The following EOGT variants were observed in gnomAD, a reference collection of about 807,000 sequenced individuals.
EOGT encodes the protein EGF domain-specific O-linked N-acetylglucosamine transferase.
Under a neutral mutation model 70.5 loss-of-function variants are expected in EOGT, and 55 were observed. That is an observed-to-expected ratio of 0.78 (90% CI 0.63 to 0.98). EOGT has a LOEUF of 0.98. Among genes scored for constraint, EOGT ranks in the 50% least tolerant of loss-of-function variants. The pLI is 0.00. For synonymous variants in EOGT, 246 were observed against 217.1 expected (o/e 1.13, Z -1.17); for missense variants, 703 against 641.9 (o/e 1.10, Z -1.03).
Position 68,988,503 on chromosome 3 carries a change from T to C in EOGT, c.996+3A>G. On this transcript the variant is annotated splice_donor_region_variant and intron_variant, in intron 12 of 17. Transcript: ENST00000383701. ...GAATGCTAATGGTAGACAATGTGCT[T>C]ACCAGAGGAGTATTATAGAACAGCC... is the stretch of plus-strand genomic sequence containing the variant. 1 of 1,530,398 alleles carries C rather than the reference T, an allele frequency of 6.5e-7. No individual in the cohort carries two copies. The highest frequency in any genetic ancestry group is 8.8e-7 in the Non-Finnish European group (1 of 1,142,202). The allele number at this position is 1,530,398 out of a possible 1,614,324, so 94.8% of individuals were successfully genotyped here. A position where few individuals can be genotyped will look rare whatever the true frequency, so the allele number is the denominator to read the frequency against.
At chr3:69,011,241 AC>A (rs1315352417) in intron 3 of EOGT, among the ~76,000 whole-genome samples, 1 of 137,906 alleles carries the variant, frequency 7.3e-6, no homozygotes, top group African/African-American at 2.8e-5. Context: ...GAGTCTTAAT[AC>A]ACACTGGATG....
chr3:69,007,084 G>A lies in EOGT; in HGVS notation c.420+629C>T, dbSNP rs76145974. Among the ~76,000 whole-genome samples the A allele has an allele frequency of 8.4e-3, 1,283 of 152,288 alleles. 9 individuals are homozygous for A. The highest frequency in any genetic ancestry group is 0.044 in the Middle Eastern group (13 of 294). On this transcript the variant is annotated intron_variant, in intron 6 of 17. Transcript: ENST00000383701. ...TATCTGAGAATGAATTTGTAAAGAC[G>A]CAGTTTATCAATTTCTCTTCATTAG...
rs746462590 is a variant in EOGT at position 69,008,511 on chromosome 3, T to G, written c.228A>C (p.Leu76=). The G allele has an allele frequency of 1.2e-6, 2 of 1,613,692 alleles. No individual in the cohort carries two copies. Among genetic ancestry groups the G allele is most frequent in the Non-Finnish European group, 1.7e-6 (2 of 1,179,700 alleles). ...ATTTCTCATAACCCCAGCAGTACTT[T>G]AGCTTCTCTAGGTGTTTCTAGAACA... ...LCPYKKHLEK[L]KYCWGYEKSC... Residue 76 remains leucine, a synonymous_variant, in exon 5 of 18, where the codon CTA becomes CTC. Transcript: ENST00000383701.
At chr3:68,985,679 C>A (rs1358392231) in intron 14 of EOGT, among the ~76,000 whole-genome samples, 4 of 152,184 alleles carry the variant, frequency 2.6e-5, no homozygotes, top group Admixed American at 6.5e-5. Context: ...TTTGGCTAAA[C>A]ACTCTCCCCT....
intron 10 of EOGT, among the ~76,000 whole-genome samples, chr3:68,993,314 C>T (rs2107268195): frequency 6.6e-6 from 1 of 152,280 alleles, no homozygotes; most frequent in Middle Eastern, 3.4e-3. Flanking sequence ...GAAATTTCTT[C>T]TGCCAAATAC....
chr3:69,006,950 A>G (rs1385589534), intron 6 of EOGT, among the ~76,000 whole-genome samples: 1 of 152,238 alleles, frequency 6.6e-6, no homozygotes, highest in Non-Finnish European at 1.5e-5. Context: ...TATCTGCTAT[A>G]ACGCTTATAA....
chr3:69,011,496 G>A (rs1448168302), intron 3 of EOGT, among the ~76,000 whole-genome samples: 1 of 151,020 alleles, frequency 6.6e-6, no homozygotes, highest in East Asian at 1.9e-4. Context: ...AGTCCCAGCT[G>A]AAGTGGGAGG....
chr3:68,989,211 A>G (rs1197987358), intron 10 of EOGT, among the ~76,000 whole-genome samples, 194 bp from the exon 11 acceptor site: 1 of 152,214 alleles, frequency 6.6e-6, no homozygotes, highest in Non-Finnish European at 1.5e-5. Flanking sequence ...ATATCATCAG[A>G]AATAATTATC....
chr3:68,997,116 G>C (rs1325215825), intron 10 of EOGT, among the ~76,000 whole-genome samples: 1 of 152,102 alleles, frequency 6.6e-6, no homozygotes. Flanking sequence ...GGAAAAGGCA[G>C]GCAAAGAGAG....
chr3:69,009,955 G>C (rs2091536047), intron 3 of EOGT, 95 bp from the exon 4 acceptor site: 1 of 750,100 alleles, frequency 1.3e-6, no homozygotes, highest in African/African-American at 1.9e-5. Context: ...AAAAACAAAG[G>C]GTCAAGGGCT....
intron 9 of EOGT, among the ~76,000 whole-genome samples, chr3:69,001,242 GC>G (rs1161083248): frequency 6.6e-6 from 1 of 152,096 alleles, no homozygotes; most frequent in African/African-American, 2.4e-5. Flanking sequence ...ACAGGTGTGA[GC>G]CACCGCGCCC....
chr3:68,983,735 G>A lies in EOGT; in HGVS notation c.1153-863C>T, dbSNP rs1179386609. On this transcript the variant is annotated intron_variant, in intron 14 of 17. Transcript: ENST00000383701. ...TCCCAGCACTTTGGGAGGCCGAGGC[G>A]GGCAGATCACCTGAGGTCAGGAGTT... Among the ~76,000 whole-genome samples the A allele has an allele frequency of 3.3e-5, 5 of 152,312 alleles. No individual in the cohort carries two copies. In the South Asian group the frequency reaches 8.3e-4, roughly 25 times the overall value.
rs1285415298 is a variant in EOGT at position 68,977,527 on chromosome 3, T to C, written c.*91A>G. On this transcript the variant is annotated 3_prime_UTR_variant, in exon 18 of 18. Transcript: ENST00000383701. ...TGGCATAGAAAAGGTAATTCGGGGA[T>C]AGGAAATAACAGATTGCTTTACTGA... 1.1e-5 allele frequency: 15 copies of C among 1,359,486 alleles called. No individual in the cohort carries two copies. Among genetic ancestry groups the C allele is most frequent in the Non-Finnish European group, 1.5e-5 (15 of 970,086 alleles). 84.2% of individuals were successfully genotyped at this position (1,359,486 alleles called of 1,614,324 possible).
intron 10 of EOGT, among the ~76,000 whole-genome samples, chr3:68,989,687 G>A (rs896025538): frequency 1.1e-4 from 17 of 149,698 alleles, no homozygotes; most frequent in Non-Finnish European, 2.5e-4. Flanking sequence ...GGCGGGGGTT[G>A]CAGTGAGCCG....
At chr3:68,998,476 A>T (rs12493426) in intron 9 of EOGT, among the ~76,000 whole-genome samples, 1 of 152,056 alleles carries the variant, frequency 6.6e-6, no homozygotes, top group African/African-American at 2.4e-5. Context: ...ATTTCTTCTG[A>T]CTTTATTTAT....
chr3:68,984,346 G>A (rs1296906057), intron 14 of EOGT, among the ~76,000 whole-genome samples: 1 of 152,174 alleles, frequency 6.6e-6, no homozygotes, highest in Non-Finnish European at 1.5e-5. Context: ...CAGGAGAGAT[G>A]GCAGATGGCA....
intron 10 of EOGT, among the ~76,000 whole-genome samples, chr3:68,991,815 G>T (rs1238498251): frequency 6.6e-6 from 1 of 152,132 alleles, no homozygotes; most frequent in Admixed American, 6.6e-5. Context: ...AGTTTAACTG[G>T]ACTTACAGTT....
At chr3:68,993,592 C>T (rs1037412772) in intron 10 of EOGT, among the ~76,000 whole-genome samples, 20 of 152,170 alleles carry the variant, frequency 1.3e-4, no homozygotes, top group African/African-American at 4.6e-4. Context: ...CTGTTCCAAT[C>T]GCTGCTTGCT....
At chr3:68,997,023 T>A (rs1016781375) in intron 10 of EOGT, among the ~76,000 whole-genome samples, 3 of 152,208 alleles carry the variant, frequency 2.0e-5, no homozygotes, top group Admixed American at 6.5e-5. Flanking sequence ...ATTATCTCAC[T>A]ATCTCATTTC....
Sources: allele counts gnomAD v4.1 joint callset (sites outside exome capture counted in the v4.1 genomes callset), GRCh38; gene constraint gnomAD v4.1.1; transcripts MANE v1.5; gene names NCBI Gene and HGNC (gene_info 2026-07-23, HGNC 2026-07-21).